Variants in TBC1D8 observed in about 807,000 individuals in gnomAD.
TBC1D8 encodes BUB2-like protein 1.
A neutral mutation model predicts 118.8 loss-of-function variants in TBC1D8; 65 were observed. That is an observed-to-expected ratio of 0.55 (90% confidence interval 0.45 to 0.67). The LOEUF is 0.67. Among genes scored for constraint, TBC1D8 ranks in the 30% least tolerant of loss-of-function variants. The pLI, the probability that TBC1D8 is intolerant of heterozygous loss-of-function variation, is 0.00. For synonymous variants in TBC1D8, 566 were observed against 595.8 expected (o/e 0.95, Z 0.73); for missense variants, 1,376 against 1,471.2 (o/e 0.94, Z 1.06).
intron 19 of TBC1D8, 69 bp downstream of exon 19, chr2:101,010,860 C>G (rs1248251389): frequency 3.0e-6 from 4 of 1,338,872 alleles, no homozygotes; most frequent in Non-Finnish European, 4.2e-6. Context: ...CCAGCCTGGG[C>G]GACAGAGCGA....
chr2:101,042,847 C>T (rs551286572), intron 5 of TBC1D8, among the ~76,000 whole-genome samples: 1 of 152,164 alleles, frequency 6.6e-6, no homozygotes, highest in South Asian at 2.1e-4. Flanking sequence ...ACTCTCAACT[C>T]TGGAATCGGC....
Position 101,021,764 on chromosome 2 carries a change from A to G in TBC1D8, c.2762-18T>C. 6.8e-7 allele frequency: 1 copy of G among 1,475,162 alleles called. No individual in the cohort carries two copies. The highest frequency in any genetic ancestry group is 9.3e-7 in the Non-Finnish European group (1 of 1,072,004). 91.4% of individuals were successfully genotyped at this position (1,475,162 alleles called of 1,614,324 possible). ...CATAATATCTGCAAAAAGTTTAAAA[A>G]GAGTGAGTTGATGCCAATGCTGAAA... On this transcript the variant is annotated intron_variant, in intron 16 of 19. Transcript: ENST00000409318.
At chr2:101,032,813 G>A (rs1337692908) in intron 10 of TBC1D8, 3 of 164,850 alleles carry the variant, frequency 1.8e-5, no homozygotes, top group South Asian at 1.7e-4. Flanking sequence ...ATCCCGGCTT[G>A]TGCTGGGTTT....
chr2:101,058,731 T>C (rs1421689402), intron 3 of TBC1D8, among the ~76,000 whole-genome samples: 3 of 149,850 alleles, frequency 2.0e-5, no homozygotes, highest in East Asian at 2.0e-4. Flanking sequence ...AACAGAACAG[T>C]GTGACAAGAT....
At chr2:101,087,025 C>G in intron 2 of TBC1D8, among the ~76,000 whole-genome samples, 1 of 152,086 alleles carries the variant, frequency 6.6e-6, no homozygotes, top group Non-Finnish European at 1.5e-5. Flanking sequence ...CTCAGGTGAT[C>G]CGCCCGCCTC....
intron 15 of TBC1D8, chr2:101,023,654 G>C (rs1416461301): frequency 2.4e-6 from 1 of 422,816 alleles, no homozygotes; most frequent in Non-Finnish European, 4.8e-6. Context: ...TGAAGTCTTG[G>C]GAATAGACTG....
At chr2:101,078,749 T>G (rs1277990472) in intron 2 of TBC1D8, among the ~76,000 whole-genome samples, 1 of 103,128 alleles carries the variant, frequency 9.7e-6, no homozygotes, top group Non-Finnish European at 2.0e-5. Context: ...AAAACCTTTC[T>G]TAGCAAAAAA....
chr2:101,117,642 C>T (rs1022868809), intron 1 of TBC1D8, among the ~76,000 whole-genome samples: 22 of 148,272 alleles, frequency 1.5e-4, no homozygotes, highest in African/African-American at 5.3e-4. Context: ...GGCGCCATCT[C>T]GGTTCACTGC....
At chr2:101,070,175 C>T (rs1683234924) in intron 2 of TBC1D8, among the ~76,000 whole-genome samples, 1 of 151,892 alleles carries the variant, frequency 6.6e-6, no homozygotes, top group African/African-American at 2.4e-5. Flanking sequence ...CCTCGACCTC[C>T]CAAAGTGCTG....
chr2:101,125,844 T>C (rs762764402), intron 1 of TBC1D8, among the ~76,000 whole-genome samples: 3 of 152,212 alleles, frequency 2.0e-5, no homozygotes, highest in Non-Finnish European at 2.9e-5. Flanking sequence ...ATTCCCGAAC[T>C]TCATTTGAGT....
chr2:101,108,703 A>C (rs1024643876), intron 1 of TBC1D8, among the ~76,000 whole-genome samples: 9 of 152,032 alleles, frequency 5.9e-5, no homozygotes, highest in South Asian at 2.1e-4. Flanking sequence ...AACCCTTGTG[A>C]TCACATTGGC....
intron 11 of TBC1D8, among the ~76,000 whole-genome samples, chr2:101,031,932 C>A (rs909758181): frequency 6.6e-6 from 1 of 152,128 alleles, no homozygotes; most frequent in Non-Finnish European, 1.5e-5. Context: ...TAAAACCACC[C>A]TGGTTTTCAC....
chr2:101,041,643 A>G (rs1050276398), intron 5 of TBC1D8, among the ~76,000 whole-genome samples: 1 of 152,192 alleles, frequency 6.6e-6, no homozygotes, highest in African/African-American at 2.4e-5. Flanking sequence ...CAACTCTGTG[A>G]ACATGGTAAA....
intron 17 of TBC1D8, among the ~76,000 whole-genome samples, chr2:101,015,298 C>T (rs1679542268): frequency 1.3e-5 from 2 of 152,140 alleles, no homozygotes; most frequent in South Asian, 4.1e-4. Flanking sequence ...GGTTGCAGGG[C>T]TGTGGAAGCT....
At chr2:101,137,180 G>A (rs868623637) in intron 1 of TBC1D8, among the ~76,000 whole-genome samples, 3 of 151,532 alleles carry the variant, frequency 2.0e-5, no homozygotes, top group Non-Finnish European at 4.4e-5. Context: ...TTACAGGCGT[G>A]TGCCACCACG....
chr2:101,070,159 T>C (rs370765722), intron 2 of TBC1D8, among the ~76,000 whole-genome samples: 7 of 152,066 alleles, frequency 4.6e-5, no homozygotes, highest in Admixed American at 3.3e-4. Context: ...TCAGGTGATC[T>C]ACCCGCCTCG....
chr2:101,039,996 A>G (rs1358908020), intron 6 of TBC1D8, among the ~76,000 whole-genome samples, 182 bp downstream of exon 6: 1 of 152,174 alleles, frequency 6.6e-6, no homozygotes, highest in Non-Finnish European at 1.5e-5. Context: ...CAATGGCCGA[A>G]TGGGTAATGG....
At position 101,011,557 on chromosome 2, in the gene TBC1D8, AG is replaced by A. The variant is rs745379911; in HGVS notation, c.2828-18del. ...CAGTGAGTGCTTAAAAAAAGATGAG[AG>A]GTTTAAATTAAACAAATTTTCTGCC... On this transcript the variant is annotated intron_variant, in intron 17 of 19. Transcript: ENST00000409318. 18 of 1,613,590 alleles carry A rather than the reference AG, an allele frequency of 1.1e-5. No individual in the cohort carries two copies. The East Asian group carries it at 4.0e-4, about 36-fold the overall frequency.
chr2:101,130,634 T>C (rs1678552201), intron 1 of TBC1D8, among the ~76,000 whole-genome samples: 1 of 152,218 alleles, frequency 6.6e-6, no homozygotes, highest in Non-Finnish European at 1.5e-5. Flanking sequence ...TTTAATGAAA[T>C]AAGTTTAAAA....
Sources: gnomAD v4.1 joint callset for allele counts (sites outside exome capture counted in the v4.1 genomes callset) on GRCh38, gnomAD v4.1.1 for gene constraint, MANE v1.5 for transcripts, NCBI Gene and HGNC (gene_info 2026-07-23, HGNC 2026-07-21) for gene names.